Variants in PCCA observed in about 807,000 individuals in gnomAD.
PCCA encodes propionyl-CoA carboxylase subunit alpha, also known as propionyl-CoA carboxylase alpha chain, mitochondrial.
PCCA carries 74 observed loss-of-function variants against 101.3 expected under a neutral mutation model. The ratio of observed to expected loss-of-function variants is 0.73; its 90% CI spans 0.61 to 0.89. The LOEUF is 0.89. Among genes scored for constraint, PCCA ranks in the 40% least tolerant of loss-of-function variants. The pLI is 0.00. For missense variants in PCCA, 891 were observed against 907.0 expected (o/e 0.98, Z 0.23); for synonymous variants, 294 against 313.6 (o/e 0.94, Z 0.66).
At chr13:100,234,988 C>T (rs746267345) in intron 7 of PCCA, among the ~76,000 whole-genome samples, 5 of 151,980 alleles carry the variant, frequency 3.3e-5, no homozygotes, top group Non-Finnish European at 5.9e-5. Flanking sequence ...GGAAATGATT[C>T]AGCAGTGTCC....
intron 8 of PCCA, among the ~76,000 whole-genome samples, chr13:100,248,912 A>G (rs931401283): frequency 9.9e-5 from 15 of 151,192 alleles, no homozygotes; most frequent in African/African-American, 2.7e-4. Context: ...ACGCCTGGCT[A>G]ATTTTTTTTT....
chr13:100,274,757 C>T (rs1012288251), intron 12 of PCCA, among the ~76,000 whole-genome samples: 3 of 152,100 alleles, frequency 2.0e-5, no homozygotes, highest in Non-Finnish European at 2.9e-5. Context: ...CCATTTAGTA[C>T]GGCCTCATCA....
intron 20 of PCCA, among the ~76,000 whole-genome samples, chr13:100,447,526 G>A (rs1451389208): frequency 1.3e-5 from 2 of 152,110 alleles, no homozygotes; most frequent in African/African-American, 4.8e-5. Flanking sequence ...ACAAAAATTA[G>A]GCAGATGTGG....
intron 6 of PCCA, among the ~76,000 whole-genome samples, chr13:100,184,005 G>C (rs2057027713): frequency 6.6e-6 from 1 of 152,144 alleles, no homozygotes; most frequent in Non-Finnish European, 1.5e-5. Flanking sequence ...GCCTGAGACT[G>C]GGTAATTTAT....
At chr13:100,480,395 C>T (rs1002594648) in intron 21 of PCCA, 2 of 152,172 alleles carry the variant, frequency 1.3e-5, no homozygotes, top group Non-Finnish European at 2.9e-5. Context: ...TACGTTCAGA[C>T]ACAGGGACTC....
chr13:100,494,034 C>T (rs940533328), intron 21 of PCCA, among the ~76,000 whole-genome samples: 1 of 151,870 alleles, frequency 6.6e-6, no homozygotes, highest in Admixed American at 6.6e-5. Context: ...ACTAAAAATA[C>T]AAAAATCAGC....
rs941415569 is a variant in PCCA at position 100,094,153 on chromosome 13, A to C, written c.105+4928A>C. On this transcript the variant is annotated intron_variant, in intron 1 of 23. Transcript: ENST00000376285. The stretch of plus-strand genomic sequence containing the variant: ...TGAGGCAGGAGAATCACTTGAACCC[A>C]GGAGGTGGAGGTTGCAGTGAGCCGA... Among the ~76,000 whole-genome samples the C allele has an allele frequency of 4.0e-5, 6 of 150,294 alleles. No individual in the cohort carries two copies. The East Asian group carries it at 1.2e-3, about 30-fold the overall frequency.
chr13:100,492,882 C>G (rs2085005725), intron 21 of PCCA, among the ~76,000 whole-genome samples: 1 of 151,768 alleles, frequency 6.6e-6, no homozygotes, highest in African/African-American at 2.4e-5. Flanking sequence ...CCCACTCTGT[C>G]CCCTTTCCAG....
intron 6 of PCCA, among the ~76,000 whole-genome samples, chr13:100,167,299 A>G (rs1315508733): frequency 6.6e-6 from 1 of 152,116 alleles, no homozygotes; most frequent in African/African-American, 2.4e-5. Context: ...CTGTAATTCT[A>G]GCACTTTGGG....
chr13:100,207,453 T>C (rs2058931184), intron 6 of PCCA, among the ~76,000 whole-genome samples: 1 of 152,072 alleles, frequency 6.6e-6, no homozygotes, highest in Non-Finnish European at 1.5e-5. Context: ...CCATCTCGGC[T>C]CACTGCAACC....
chr13:100,165,459 C>T lies in PCCA; in HGVS notation c.468+8119C>T, dbSNP rs375334882. Among the ~76,000 whole-genome samples the T allele has an allele frequency of 1.4e-4, 22 of 152,214 alleles. No individual in the cohort carries two copies. In the East Asian group the frequency reaches 2.9e-3, roughly 20 times the overall value. On this transcript the variant is annotated intron_variant, in intron 6 of 23. Transcript: ENST00000376285. The stretch of plus-strand genomic sequence containing the variant: ...TATGCTTGTTAGTCTAGTGTTACTG[C>T]CAGAGACCTATTGCACAGACTTGTG...
At chr13:100,301,336 A>T (rs1031935648) in intron 12 of PCCA, 124 bp from the exon 13 acceptor site, 16 of 1,009,226 alleles carry the variant, frequency 1.6e-5, no homozygotes, top group Non-Finnish European at 2.5e-5. Flanking sequence ...TTTTTAGTCA[A>T]ATATGTTCAA....
At chr13:100,268,114 T>G (rs181698615) in intron 10 of PCCA, among the ~76,000 whole-genome samples, 39 of 152,338 alleles carry the variant, frequency 2.6e-4, no homozygotes, top group Non-Finnish European at 5.0e-4. Flanking sequence ...TTTGGAGCAT[T>G]TTGGATTTCA....
intron 8 of PCCA, among the ~76,000 whole-genome samples, chr13:100,252,054 G>A (rs1417375888): frequency 6.6e-6 from 1 of 152,132 alleles, no homozygotes. Context: ...ACAAAGAAAC[G>A]AAACAAAGCA....
intron 19 of PCCA, among the ~76,000 whole-genome samples, chr13:100,414,992 T>G (rs1381758394): frequency 1.3e-5 from 2 of 152,216 alleles, no homozygotes; most frequent in Non-Finnish European, 2.9e-5. Context: ...TAAGGAGTAT[T>G]GCAAGGTAAT....
chr13:100,419,457 G>A (rs2078601817), intron 19 of PCCA, among the ~76,000 whole-genome samples: 1 of 147,924 alleles, frequency 6.8e-6, no homozygotes, highest in Admixed American at 6.7e-5. Context: ...GGGCAACAGA[G>A]CGAGACTTTG....
intron 19 of PCCA, among the ~76,000 whole-genome samples, chr13:100,387,452 T>A (rs1352726933): frequency 6.6e-6 from 1 of 152,166 alleles, no homozygotes; most frequent in Non-Finnish European, 1.5e-5. Flanking sequence ...ATTTCACTCG[T>A]CCTAAGACAT....
At chr13:100,474,672 A>G (rs2083287329) in intron 21 of PCCA, among the ~76,000 whole-genome samples, 1 of 151,970 alleles carries the variant, frequency 6.6e-6, no homozygotes, top group African/African-American at 2.4e-5. Context: ...TATTTTTTGT[A>G]GAGAAGGGAT....
Position 100,438,679 on chromosome 13 carries a change from G to A in PCCA, c.1846-10573G>A, listed in dbSNP as rs149322778. ...CTGGGTCTGGCCAGTAACAGAGTGG[G>A]TTATACCTGTCTTGCAGCCATCCGA... On this transcript the variant is annotated intron_variant, in intron 20 of 23. Transcript: ENST00000376285. Among the ~76,000 whole-genome samples the A allele has an allele frequency of 2.2e-3, 329 of 151,696 alleles. 1 individual carries two copies. The highest frequency in any genetic ancestry group is 7.5e-3 in the African/African-American group (312 of 41,342).
Sources: allele counts gnomAD v4.1 joint callset (sites outside exome capture counted in the v4.1 genomes callset), GRCh38; gene constraint gnomAD v4.1.1; transcripts MANE v1.5; gene names NCBI Gene and HGNC (gene_info 2026-07-23, HGNC 2026-07-21).